CDH6: variants seen among roughly 807,000 people sequenced by gnomAD.
The protein encoded by CDH6 is cadherin-6.
CDH6 carries 31 observed loss-of-function variants against 78.0 expected under a neutral mutation model. The observed-to-expected ratio is 0.40, with a 90% CI of 0.30 to 0.54. The LOEUF (loss-of-function observed/expected upper bound fraction) is 0.54. Ranked by LOEUF, CDH6 falls within the 20% of genes least tolerant of loss-of-function variation. The probability of loss-of-function intolerance (pLI) is 0.56; values close to 1 mark genes in which losing one functional copy is unlikely to be tolerated. For missense variants in CDH6, 724 were observed against 975.9 expected (o/e 0.74, Z 3.44); for synonymous variants, 376 against 368.8 (o/e 1.02, Z -0.23).
chr5:31,317,237 T>C lies in CDH6; in HGVS notation c.1513-138T>C, dbSNP rs145078204. The C allele has an allele frequency of 1.0e-3, 608 of 583,334 alleles. 5 individuals are homozygous for C. In the East Asian group the frequency reaches 0.016, roughly 15 times the overall value. The allele number at this position is 583,334 out of a possible 1,614,324, so 36.1% of individuals were successfully genotyped here. On this transcript the variant is annotated intron_variant, in intron 9 of 11. Coordinates refer to ENST00000265071, the MANE Select transcript of CDH6 (RefSeq NM_004932.4). ...GCTTTCTAACCCATAATAGAGCAGATTCACTGTATATTACTTAAAGGCTAT... is the reference window on the plus strand; with the variant it reads ...GCTTTCTAACCCATAATAGAGCAGACTCACTGTATATTACTTAAAGGCTAT...
chr5:31,263,439 GTCT>G (rs1286415062), intron 1 of CDH6, among the ~76,000 whole-genome samples: 4 of 123,198 alleles, frequency 3.2e-5, no homozygotes, highest in African/African-American at 1.3e-4. Flanking sequence ...GTTTTTTGGG[GTCT>G]TTTTTTTTTT....
At chr5:31,263,628 C>CCCATTAAT (rs1442300057) in intron 1 of CDH6, among the ~76,000 whole-genome samples, 1 of 151,830 alleles carries the variant, frequency 6.6e-6, no homozygotes, top group Non-Finnish European at 1.5e-5. Context: ...CTCATGATAA[C>CCCATTAAT]CCATTAATCC....
chr5:31,282,075 AC>A, intron 2 of CDH6, among the ~76,000 whole-genome samples: 1 of 152,332 alleles, frequency 6.6e-6, no homozygotes, highest in African/African-American at 2.4e-5. Context: ...TTGAAGGACC[AC>A]ACGCAGTTTC....
At chr5:31,292,506 G>A (rs1257687542) in intron 2 of CDH6, among the ~76,000 whole-genome samples, 1 of 152,062 alleles carries the variant, frequency 6.6e-6, no homozygotes, top group Non-Finnish European at 1.5e-5. Context: ...ATTTTGTGCA[G>A]TATTAACCAA....
In CDH6 at chr5:31,326,035, G is replaced by A. The variant is rs1738617927; in HGVS notation, c.*2727G>A. 2.6e-5 allele frequency: 6 copies of A among 231,094 alleles called. No individual in the cohort carries two copies. Among genetic ancestry groups the A allele is most frequent in the Non-Finnish European group, 4.3e-5 (5 of 117,184 alleles). 14.3% of individuals were successfully genotyped at this position (231,094 alleles called of 1,614,324 possible). ...GCATGCGCAGGTTTTTTTTTTAATT[G>A]CTAGGTCCCAGGCAACATGAAAGAT... On this transcript the variant is annotated 3_prime_UTR_variant, in exon 12 of 12. Transcript: ENST00000265071.
chr5:31,238,322 C>T (rs1010977104), intron 1 of CDH6, among the ~76,000 whole-genome samples: 1 of 152,122 alleles, frequency 6.6e-6, no homozygotes, highest in African/African-American at 2.4e-5. Flanking sequence ...CTGGTGAGAA[C>T]TGAAATGTAC....
rs931693592 is a variant in CDH6, at chr5:31,285,653, A to G, written c.229-8309A>G. 2.0e-5 allele frequency among the ~76,000 whole-genome samples: 3 copies of G among 152,312 alleles called. No individual in the cohort carries two copies. The East Asian group carries it at 5.8e-4, about 29-fold the overall frequency. ...AAATAATGTTTCCATGAAATAGAGC[A>G]TTTCTCTTTAGTTGCTGCAACAGGA... On this transcript the variant is annotated intron_variant, in intron 2 of 11. Transcript: ENST00000265071.
intron 1 of CDH6, among the ~76,000 whole-genome samples, chr5:31,239,009 A>G (rs1444196193): frequency 6.6e-6 from 1 of 152,238 alleles, no homozygotes; most frequent in Non-Finnish European, 1.5e-5. Flanking sequence ...CAACCATGCC[A>G]GTTCATCCTT....
At chr5:31,261,929 C>A (rs1742222550) in intron 1 of CDH6, among the ~76,000 whole-genome samples, 2 of 152,128 alleles carry the variant, frequency 1.3e-5, no homozygotes, top group Admixed American at 6.5e-5. Flanking sequence ...AAAAAAAATT[C>A]TAATTAGCAT....
At chr5:31,258,713 C>A (rs1440981188) in intron 1 of CDH6, among the ~76,000 whole-genome samples, 1 of 151,970 alleles carries the variant, frequency 6.6e-6, no homozygotes, top group Non-Finnish European at 1.5e-5. Context: ...GAGCATTTAT[C>A]CCATTACCTG....
rs77308468 is a variant in CDH6 at position 31,193,770 on chromosome 5, G to C, written c.-245G>C. 0.011 allele frequency: 1,639 copies of C among 153,658 alleles called. 18 individuals carry two copies. The highest frequency in any genetic ancestry group is 0.019 in the Non-Finnish European group (1,305 of 68,586). The allele number at this position is 153,658 out of a possible 1,614,324, so 9.5% of individuals were successfully genotyped here. ...TAACCTTCGCATCCCAAGAGCTGCA[G>C]TTTCAGCCGCGACAGCAAGAACGGC... is the stretch of plus-strand genomic sequence containing the variant. On this transcript the variant is annotated 5_prime_UTR_variant, in exon 1 of 12. Transcript: ENST00000265071.
chr5:31,198,810 A>T (rs956484269), intron 1 of CDH6, among the ~76,000 whole-genome samples: 2 of 152,176 alleles, frequency 1.3e-5, no homozygotes, highest in African/African-American at 4.8e-5. Flanking sequence ...AAACATAATT[A>T]CATCATTAAC....
chr5:31,272,845 AT>A (rs1260453163), intron 2 of CDH6, among the ~76,000 whole-genome samples: 1 of 152,128 alleles, frequency 6.6e-6, no homozygotes, highest in African/African-American at 2.4e-5. Flanking sequence ...TTTCAAAGGT[AT>A]TTTCTGATGG....
At chr5:31,299,440 C>T in intron 4 of CDH6, 24 bp from the exon 5 acceptor site, 1 of 1,591,730 alleles carries the variant, frequency 6.3e-7, no homozygotes, top group Non-Finnish European at 8.6e-7. Context: ...CATCCCTTTG[C>T]ACTCTTAAAT....
chr5:31,312,257 CATAGCAA>C (rs1213393446), intron 7 of CDH6, among the ~76,000 whole-genome samples: 28 of 152,338 alleles, frequency 1.8e-4, no homozygotes, highest in South Asian at 1.7e-3. Flanking sequence ...TCAGCTTCAG[CATAGCAA>C]AAATGGAACT....
At chr5:31,260,232 A>G (rs889545855) in intron 1 of CDH6, among the ~76,000 whole-genome samples, 2 of 152,204 alleles carry the variant, frequency 1.3e-5, no homozygotes, top group African/African-American at 2.4e-5. Context: ...TGAGGTAGGT[A>G]CTATTAATGT....
At chr5:31,286,235 TG>T (rs1157184070) in intron 2 of CDH6, among the ~76,000 whole-genome samples, 1 of 152,212 alleles carries the variant, frequency 6.6e-6, no homozygotes. Flanking sequence ...CCTTCCTTTA[TG>T]AACCTGCAAT....
chr5:31,313,361 A>G lies in CDH6; in HGVS notation c.1297A>G (p.Ile433Val), dbSNP rs1738207927. The change falls in exon 8 of 12, where the codon ATT becomes GTT. Residue 433 changes from isoleucine to valine, a missense_variant. Ile to Val is a conservative substitution (Grantham distance 29). Around this residue, in one of 3 missense-constraint regions of CDH6, gnomAD observed 446 missense variants for 684.5 expected, o/e 0.65. Transcript: ENST00000265071. Reference protein sequence around the residue: ...RHTDMDRIFNIDSGNGSIFTS... With the variant: ...RHTDMDRIFNVDSGNGSIFTS... ...CACAGATATGGACAGAATATTCAAC[A>G]TTGATTCTGGAAATGGTTCGATTTT... 3.1e-6 allele frequency: 5 copies of G among 1,613,340 alleles called. No homozygotes were observed. Among genetic ancestry groups the G allele is most frequent in the Non-Finnish European group, 4.2e-6 (5 of 1,179,242 alleles).
intron 1 of CDH6, among the ~76,000 whole-genome samples, chr5:31,196,116 A>G (rs1369134050): frequency 1.3e-5 from 2 of 152,226 alleles, no homozygotes; most frequent in African/African-American, 4.8e-5. Context: ...TTTTCTACCA[A>G]GTTGCCTACT....
Sources: gnomAD v4.1 joint callset for allele counts (sites outside exome capture counted in the v4.1 genomes callset) on GRCh38, gnomAD v4.1.1 for gene constraint, gnomAD v4.1.1 regional missense constraint, MANE v1.5 for transcripts, NCBI Gene and HGNC (gene_info 2026-07-23, HGNC 2026-07-21) for gene names.